The following BTRC variants were observed in gnomAD, a reference collection of about 807,000 sequenced individuals.
BTRC encodes beta-transducin repeat containing E3 ubiquitin protein ligase.
A neutral mutation model predicts 85.5 loss-of-function variants in BTRC; 42 were observed. That is an observed-to-expected ratio of 0.49 (90% CI 0.38 to 0.64). The LOEUF (loss-of-function observed/expected upper bound fraction) is 0.64, where lower values mean the gene tolerates loss of function less well. BTRC is among the 30% of genes least tolerant of loss of function. BTRC has a pLI of 0.00. For synonymous variants in BTRC, 255 were observed against 263.3 expected, an observed-to-expected ratio of 0.97 and a Z score of 0.30; for missense variants, 594 against 743.5, an observed-to-expected ratio of 0.80 and a Z score of 2.34.
intron 2 of BTRC, among the ~76,000 whole-genome samples, chr10:101,459,862 G>T (rs1945178209): frequency 6.6e-6 from 1 of 152,132 alleles, no homozygotes; most frequent in Non-Finnish European, 1.5e-5. Context: ...AGGTTGAGAT[G>T]ACTATTTTTC....
intron 1 of BTRC, among the ~76,000 whole-genome samples, chr10:101,384,489 G>A (rs1445238129): frequency 1.3e-5 from 2 of 152,200 alleles, no homozygotes; most frequent in Admixed American, 1.3e-4. Flanking sequence ...AGTTTCTTAT[G>A]AGTAGTTTAT....
intron 4 of BTRC, among the ~76,000 whole-genome samples, chr10:101,483,179 G>A (rs1945887120): frequency 2.0e-5 from 3 of 152,090 alleles, no homozygotes; most frequent in Admixed American, 1.3e-4. Context: ...TCTATACGAA[G>A]GGTACCAATT....
intron 1 of BTRC, among the ~76,000 whole-genome samples, chr10:101,365,603 G>A (rs1319205233): frequency 6.6e-6 from 1 of 151,872 alleles, no homozygotes; most frequent in Non-Finnish European, 1.5e-5. Context: ...AGCTTCCTGA[G>A]TAGCTGGGAC....
intron 1 of BTRC, among the ~76,000 whole-genome samples, chr10:101,402,693 A>C (rs2134003842): frequency 6.6e-6 from 1 of 152,356 alleles, no homozygotes; most frequent in East Asian, 1.9e-4. Context: ...AAGAAGGTGA[A>C]GTGTATAGAA....
intron 1 of BTRC, among the ~76,000 whole-genome samples, chr10:101,364,238 A>G (rs555196948): frequency 6.6e-6 from 1 of 152,256 alleles, no homozygotes. Context: ...TTGATTGGAT[A>G]CTCCTAGAAT....
intron 2 of BTRC, among the ~76,000 whole-genome samples, chr10:101,440,687 A>G (rs1032205300): frequency 1.3e-5 from 2 of 151,390 alleles, no homozygotes; most frequent in African/African-American, 4.9e-5. Context: ...ATATCACTAC[A>G]CTCCAGCCTG....
At chr10:101,389,146 T>TTTTTTTTTTTC (rs1943170630) in intron 1 of BTRC, among the ~76,000 whole-genome samples, 2 of 141,212 alleles carry the variant, frequency 1.4e-5, no homozygotes, top group Non-Finnish European at 3.0e-5. Context: ...TTTTTTTTTT[T>TTTTTTTTTTTC]TTGCTGATCT....
intron 1 of BTRC, among the ~76,000 whole-genome samples, chr10:101,366,996 A>ATATATTTATAGATTTT: frequency 2.0e-5 from 1 of 50,348 alleles, no homozygotes; most frequent in Non-Finnish European, 3.8e-5. Context: ...ATATATATTA[A>ATATATTTATAGATTTT]TATATATATT....
chr10:101,366,976 T>TTTATCTATTTATA (rs1564730638), intron 1 of BTRC, among the ~76,000 whole-genome samples: 5 of 58,800 alleles, frequency 8.5e-5, no homozygotes, highest in Non-Finnish European at 1.3e-4. Flanking sequence ...AAATATATAT[T>TTTATCTATTTATA]TATATATTTA....
chr10:101,525,509 C>A (rs1206076387), intron 5 of BTRC, among the ~76,000 whole-genome samples: 3 of 152,150 alleles, frequency 2.0e-5, no homozygotes, highest in African/African-American at 7.2e-5. Flanking sequence ...GCCCAAAATT[C>A]TATAACCCAG....
At chr10:101,550,503 C>G (rs1479439967) in intron 13 of BTRC, among the ~76,000 whole-genome samples, 196 bp from the exon 14 acceptor site, 5 of 151,984 alleles carry the variant, frequency 3.3e-5, no homozygotes, top group South Asian at 2.1e-4. Flanking sequence ...AGGATGGTCT[C>G]GATCTCCTGA....
chr10:101,394,573 C>T (rs1196043006), intron 1 of BTRC, among the ~76,000 whole-genome samples: 1 of 152,202 alleles, frequency 6.6e-6, no homozygotes, highest in Non-Finnish European at 1.5e-5. Flanking sequence ...TACATAGTCA[C>T]AGACTGACTA....
At chr10:101,373,932 C>G (rs1314949044) in intron 1 of BTRC, among the ~76,000 whole-genome samples, 1 of 116,270 alleles carries the variant, frequency 8.6e-6, no homozygotes, top group Non-Finnish European at 1.9e-5. Context: ...ACAAAACAAA[C>G]AAGACAGAAA....
At chr10:101,451,090 T>C (rs1944944728) in intron 2 of BTRC, among the ~76,000 whole-genome samples, 1 of 152,216 alleles carries the variant, frequency 6.6e-6, no homozygotes, top group South Asian at 2.1e-4. Context: ...AGGGAATGTT[T>C]GTTAGACTTA....
At chr10:101,498,006 G>A (rs1399132705) in intron 4 of BTRC, among the ~76,000 whole-genome samples, 3 of 152,064 alleles carry the variant, frequency 2.0e-5, no homozygotes, top group East Asian at 1.9e-4. Context: ...GTGACAGAGC[G>A]AGACTCCGTC....
chr10:101,480,523 A>G (rs144526051), intron 4 of BTRC, among the ~76,000 whole-genome samples: 24 of 152,184 alleles, frequency 1.6e-4, no homozygotes, highest in Non-Finnish European at 2.6e-4. Context: ...TCCTCACATG[A>G]TAGAAGAGAC....
At chr10:101,372,806 T>C (rs1942677969) in intron 1 of BTRC, among the ~76,000 whole-genome samples, 1 of 151,758 alleles carries the variant, frequency 6.6e-6, no homozygotes, top group African/African-American at 2.4e-5. Flanking sequence ...GAGGTTGCAG[T>C]GTGTGATCAT....
chr10:101,389,132 T>C (rs1322669934), intron 1 of BTRC, among the ~76,000 whole-genome samples: 1 of 138,124 alleles, frequency 7.2e-6, no homozygotes. Flanking sequence ...TTTTTTTTTT[T>C]TTTTTTTTTT....
chr10:101,395,284 G>A (rs1589418713), intron 1 of BTRC, among the ~76,000 whole-genome samples: 1 of 152,192 alleles, frequency 6.6e-6, no homozygotes. Context: ...TCGTGTGAGA[G>A]TCTAGCCAGG....
Sources: gnomAD v4.1 joint callset for allele counts (sites outside exome capture counted in the v4.1 genomes callset) on GRCh38, gnomAD v4.1.1 for gene constraint, MANE v1.5 for transcripts, NCBI Gene and HGNC (gene_info 2026-07-23, HGNC 2026-07-21) for gene names.